Variants in ARHGEF11 observed in about 807,000 individuals in gnomAD.
ARHGEF11 encodes Rho guanine exchange factor (GEF) 11.
A neutral mutation model predicts 193.7 loss-of-function variants in ARHGEF11; 55 were observed. The ratio of observed to expected loss-of-function variants is 0.28; its 90% CI spans 0.23 to 0.36. The LOEUF (loss-of-function observed/expected upper bound fraction) is 0.36, where lower values mean the gene tolerates loss of function less well. Among genes scored for constraint, ARHGEF11 ranks in the 10% least tolerant of loss-of-function variants. The probability of loss-of-function intolerance (pLI) is 1.00; values close to 1 mark genes in which losing one functional copy is unlikely to be tolerated. For synonymous variants in ARHGEF11, 693 were observed against 768.0 expected, an observed-to-expected ratio of 0.90 and a Z score of 1.62; for missense variants, 1,723 against 2,005.6, an observed-to-expected ratio of 0.86 and a Z score of 2.69.
chr1:156,992,836 A>T (rs1665955666), intron 1 of ARHGEF11, among the ~76,000 whole-genome samples: 1 of 152,018 alleles, frequency 6.6e-6, no homozygotes, highest in Non-Finnish European at 1.5e-5. Flanking sequence ...CTTCACTCAG[A>T]CCCCTACAAA....
chr1:157,039,157 T>C (rs1672426902), intron 1 of ARHGEF11, among the ~76,000 whole-genome samples: 1 of 152,230 alleles, frequency 6.6e-6, no homozygotes, highest in African/African-American at 2.4e-5. Flanking sequence ...CTTTGTTCTC[T>C]GTTCTTTTCA....
chr1:156,987,755 G>A (rs1473611075), intron 1 of ARHGEF11, among the ~76,000 whole-genome samples: 4 of 152,156 alleles, frequency 2.6e-5, no homozygotes, highest in Non-Finnish European at 5.9e-5. Context: ...TTGGATCAGA[G>A]AGAGAAGGAC....
At chr1:157,026,898 T>A (rs530302708) in intron 1 of ARHGEF11, among the ~76,000 whole-genome samples, 1 of 152,212 alleles carries the variant, frequency 6.6e-6, no homozygotes, top group Non-Finnish European at 1.5e-5. Context: ...AACAAACGGG[T>A]GGAGAACTTG....
At chr1:157,031,082 A>G (rs1364619872) in intron 1 of ARHGEF11, among the ~76,000 whole-genome samples, 2 of 152,138 alleles carry the variant, frequency 1.3e-5, no homozygotes, top group Non-Finnish European at 2.9e-5. Flanking sequence ...ATGATGGATC[A>G]CAATAATAAT....
intron 1 of ARHGEF11, among the ~76,000 whole-genome samples, chr1:156,995,922 T>C (rs1261595387): frequency 6.6e-6 from 1 of 152,134 alleles, no homozygotes; most frequent in East Asian, 1.9e-4. Context: ...TGCATACTTG[T>C]CCAGAACACA....
chr1:156,955,749 G>A lies in ARHGEF11; in HGVS notation c.1722C>T (p.Asn574=), dbSNP rs146077424. 9.3e-6 allele frequency: 15 copies of A among 1,614,080 alleles called. No homozygotes were observed. Among genetic ancestry groups the A allele is most frequent in the Non-Finnish European group, 1.3e-5 (15 of 1,180,042 alleles). The change falls in exon 20 of 41, where the codon AAC becomes AAT. Residue 574 remains asparagine (N), a synonymous_variant. Coordinates refer to ENST00000368194, the MANE Select transcript of ARHGEF11 (RefSeq NM_198236.3). ...EKDALEDKKR[N]PILKYIGKPK... ...GCTTCCCAATGTATTTGAGGATAGG[G>A]TTTCGCTTCTTGTCCTCCAAGGCAT...
At chr1:156,958,714 T>G (rs1366367233) in intron 17 of ARHGEF11, 28 bp downstream of exon 17, 2 of 1,613,670 alleles carry the variant, frequency 1.2e-6, no homozygotes, top group African/African-American at 2.7e-5. Context: ...GGATGTTCAG[T>G]GGGGTGGGAG....
At position 156,944,379 on chromosome 1, in the gene ARHGEF11, T is replaced by C. The variant is rs981056189; in HGVS notation, c.3046A>G (p.Ile1016Val). 1.9e-6 allele frequency: 3 copies of C among 1,614,160 alleles called. No individual in the cohort carries two copies. The highest frequency in any genetic ancestry group is 2.5e-6 in the Non-Finnish European group (3 of 1,180,030). The change falls in exon 31 of 41, where the codon ATC becomes GTC. Residue 1016 changes from isoleucine (I) to valine (V), a missense_variant. Transcript: ENST00000368194. ...ATACCCAAGGTCTTATCCTTGCTGA[T>C]CCTCCAGGTCAGGGGTCCCTCATGG... ...MIHEGPLTWR[I>V]SKDKTLDLHV...
At chr1:156,974,197 A>G (rs949516885) in intron 7 of ARHGEF11, among the ~76,000 whole-genome samples, 1 of 152,012 alleles carries the variant, frequency 6.6e-6, no homozygotes, top group Non-Finnish European at 1.5e-5. Context: ...CCTCCTAAGT[A>G]GCTAGGACTG....
At chr1:157,003,700 C>G (rs1667469691) in intron 1 of ARHGEF11, among the ~76,000 whole-genome samples, 1 of 152,244 alleles carries the variant, frequency 6.6e-6, no homozygotes, top group Non-Finnish European at 1.5e-5. Context: ...TTTCCTGACA[C>G]AAGCGAGTAA....
At chr1:156,998,090 C>T (rs954665550) in intron 1 of ARHGEF11, among the ~76,000 whole-genome samples, 2 of 152,198 alleles carry the variant, frequency 1.3e-5, no homozygotes, top group African/African-American at 2.4e-5. Flanking sequence ...TCTGCAAAAG[C>T]ACCTTCCACA....
chr1:157,010,332 T>C (rs955848726), intron 1 of ARHGEF11, among the ~76,000 whole-genome samples: 1 of 149,542 alleles, frequency 6.7e-6, no homozygotes, highest in Non-Finnish European at 1.5e-5. Flanking sequence ...TCACAGATGA[T>C]GTGATCTTGC....
chr1:156,978,047 C>G (rs2102386209), intron 6 of ARHGEF11, among the ~76,000 whole-genome samples, 157 bp downstream of exon 6: 1 of 152,330 alleles, frequency 6.6e-6, no homozygotes, highest in East Asian at 1.9e-4. Context: ...TATTGTGCAG[C>G]CTTCATTTTT....
At chr1:157,044,200 C>T in intron 1 of ARHGEF11, 99 bp downstream of exon 1, 1 of 1,175,204 alleles carries the variant, frequency 8.5e-7, no homozygotes, top group Non-Finnish European at 1.3e-6. Flanking sequence ...CCATAGCCCA[C>T]CCAGACCCCT....
At chr1:157,022,144 C>T (rs1165260726) in intron 1 of ARHGEF11, among the ~76,000 whole-genome samples, 1 of 152,172 alleles carries the variant, frequency 6.6e-6, no homozygotes, top group African/African-American at 2.4e-5. Flanking sequence ...AGGATGGCCA[C>T]TTTCACTACT....
Position 156,948,830 on chromosome 1 carries a change from T to A in ARHGEF11, c.1926-332A>T, listed in dbSNP as rs527341278. ...GTGTGTCCAGAGGCCTGAGACACCA[T>A]GCTTCTGTCAAGAAGGTGGTAGACA... On this transcript the variant is annotated intron_variant, in intron 22 of 40. Transcript: ENST00000368194. The surrounding 1 kb of genome is among the most constrained non-coding windows in gnomAD (Gnocchi z 4.2). 1 of 985,434 alleles carries A rather than the reference T, an allele frequency of 1.0e-6. No individual in the cohort carries two copies. The highest frequency in any genetic ancestry group is 1.7e-5 in the African/African-American group (1 of 57,378). The allele number at this position is 985,434 out of a possible 1,614,324, so 61.0% of individuals were successfully genotyped here. A position where few individuals can be genotyped will look rare whatever the true frequency, so the allele number is the denominator to read the frequency against.
intron 1 of ARHGEF11, among the ~76,000 whole-genome samples, chr1:156,996,011 A>G (rs761172171): frequency 1.1e-4 from 17 of 152,188 alleles, no homozygotes; most frequent in Non-Finnish European, 1.9e-4. Context: ...CATCAAAATA[A>G]GCCTATACTT....
At chr1:156,995,629 C>T (rs970206873) in intron 1 of ARHGEF11, among the ~76,000 whole-genome samples, 1 of 150,228 alleles carries the variant, frequency 6.7e-6, no homozygotes, top group African/African-American at 2.5e-5. Flanking sequence ...AATCACGGCT[C>T]ACTGCAGCCT....
chr1:156,998,846 A>G (rs1038924214), intron 1 of ARHGEF11, among the ~76,000 whole-genome samples: 1 of 152,228 alleles, frequency 6.6e-6, no homozygotes, highest in African/African-American at 2.4e-5. Flanking sequence ...TGTTCAATGA[A>G]AAGAATAGCA....
Sources: gnomAD v4.1 joint callset for allele counts (sites outside exome capture counted in the v4.1 genomes callset) on GRCh38, gnomAD v4.1.1 for gene constraint, Gnocchi (gnomAD v3.1) non-coding constraint, MANE v1.5 for transcripts, NCBI Gene and HGNC (gene_info 2026-07-23, HGNC 2026-07-21) for gene names.